The following CEACAM3 variants were observed in gnomAD, a reference collection of about 807,000 sequenced individuals.
The protein encoded by CEACAM3 is cell adhesion molecule CEACAM3.
Under a neutral mutation model 30.1 loss-of-function variants are expected in CEACAM3, and 32 were observed. The observed-to-expected ratio is 1.06, with a 90% CI of 0.80 to 1.43. CEACAM3 has a LOEUF of 1.43. Among genes scored for constraint, CEACAM3 ranks in the 40% most tolerant of loss-of-function variants. CEACAM3 has a pLI of 0.00. For missense variants in CEACAM3, 290 were observed against 316.3 expected (o/e 0.92, Z 0.63); for synonymous variants, 134 against 127.2 (o/e 1.05, Z -0.36).
Position 41,797,384 on chromosome 19 carries a change from C to G in CEACAM3, c.65-205C>G, listed in dbSNP as rs145881379. 1,300 of 633,674 alleles carry G rather than the reference C, an allele frequency of 2.1e-3. 22 individuals are homozygous for G. In the East Asian group the frequency reaches 0.031, roughly 15 times the overall value. The allele number at this position is 633,674 out of a possible 1,614,324, so 39.3% of individuals were successfully genotyped here. On this transcript the variant is annotated intron_variant, in intron 1 of 6. Coordinates refer to ENST00000357396, the MANE Select transcript of CEACAM3 (RefSeq NM_001815.5). ...GGCAGTGGGGAGGGAGCCATGCAGA[C>G]CCCTGGGGAAGGGGATTCCACACAG... is the stretch of plus-strand genomic sequence containing the variant.
In CEACAM3 at chr19:41,799,416, G is replaced by A. The variant is rs559036226; in HGVS notation, c.424+1468G>A. 9.9e-5 allele frequency among the ~76,000 whole-genome samples: 15 copies of A among 152,254 alleles called. No individual in the cohort carries two copies. The South Asian group carries it at 1.9e-3, about 19-fold the overall frequency. Reference sequence around the variant, plus strand: ...AGCTTGCTGGGTCTCACCAGAAGCCGAGCAGACGCTGGTGCCATGCCTGTA... The same window carrying A: ...AGCTTGCTGGGTCTCACCAGAAGCCAAGCAGACGCTGGTGCCATGCCTGTA... On this transcript the variant is annotated intron_variant, in intron 2 of 6. Transcript: ENST00000357396.
chr19:41,811,326 G>C lies in CEACAM3; in HGVS notation c.*89G>C. 1 of 1,136,646 alleles carries C rather than the reference G, an allele frequency of 8.8e-7. No homozygotes were observed. The highest frequency in any genetic ancestry group is 1.3e-6 in the Non-Finnish European group (1 of 755,008). 70.4% of individuals were successfully genotyped at this position (1,136,646 alleles called of 1,614,324 possible). A position where few individuals can be genotyped will look rare whatever the true frequency, so the allele number is the denominator to read the frequency against. ...GGGGAAGGACATGAAGCCTGAGCCA[G>C]AGAACCAGCTATAAGTCCTGAGAAG... is the stretch of plus-strand genomic sequence containing the variant. On this transcript the variant is annotated 3_prime_UTR_variant, in exon 7 of 7. Coordinates refer to ENST00000357396, the MANE Select transcript of CEACAM3 (RefSeq NM_001815.5).
intron 2 of CEACAM3, among the ~76,000 whole-genome samples, chr19:41,798,262 C>G (rs1203743198): frequency 1.3e-5 from 2 of 152,168 alleles, no homozygotes; most frequent in African/African-American, 4.8e-5. Flanking sequence ...CCCTGGAGAA[C>G]TGGATCAGGG....
In CEACAM3 at chr19:41,810,122, G is replaced by T. The variant is rs1044343838; in HGVS notation, c.595+105G>T. 5 of 1,339,580 alleles carry T rather than the reference G, an allele frequency of 3.7e-6. No individual in the cohort carries two copies. In the East Asian group the frequency reaches 1.2e-4, roughly 31 times the overall value. The allele number at this position is 1,339,580 out of a possible 1,614,324, so 83.0% of individuals were successfully genotyped here. A position where few individuals can be genotyped will look rare whatever the true frequency, so the allele number is the denominator to read the frequency against. ...GGCAGACTCTGATCCTTTCCCGGGG[G>T]CTGCAAGGAGGATCTCATAAAACAT... On this transcript the variant is annotated intron_variant, in intron 4 of 6. Transcript: ENST00000357396.
intron 2 of CEACAM3, 96 bp from the exon 3 acceptor site, chr19:41,808,717 C>T (rs2073223392): frequency 1.0e-6 from 1 of 953,990 alleles, no homozygotes; most frequent in Non-Finnish European, 1.6e-6. Context: ...ATGGCATCTC[C>T]TTCTTCCCTG....
In CEACAM3 at chr19:41,811,371, G is replaced by T; in HGVS notation, c.*134G>T. On this transcript the variant is annotated 3_prime_UTR_variant, in exon 7 of 7. Transcript: ENST00000357396. ...GAGAAGACACTGGTGTCTGGGGGCA[G>T]GGAGGGATGGGGGTCCCTGATGAAT... The T allele has an allele frequency of 1.4e-6, 1 of 718,518 alleles. No homozygotes were observed. The highest frequency in any genetic ancestry group is 1.6e-5 in the South Asian group (1 of 63,350). The allele number at this position is 718,518 out of a possible 1,614,324, so 44.5% of individuals were successfully genotyped here. A position where few individuals can be genotyped will look rare whatever the true frequency, so the allele number is the denominator to read the frequency against.
intron 1 of CEACAM3, chr19:41,797,290 C>T (rs1213849589): frequency 2.6e-6 from 1 of 386,988 alleles, no homozygotes; most frequent in Non-Finnish European, 4.7e-6. Flanking sequence ...AAGGGAAGAC[C>T]CAGGGTCTCT....
chr19:41,801,948 T>C (rs923345652), intron 2 of CEACAM3, among the ~76,000 whole-genome samples: 2 of 152,052 alleles, frequency 1.3e-5, no homozygotes, highest in East Asian at 3.9e-4. Flanking sequence ...AGGAAGTTAG[T>C]TTTAGGGAGG....
chr19:41,802,460 C>CAG (rs1427133807), intron 2 of CEACAM3, among the ~76,000 whole-genome samples: 1 of 152,212 alleles, frequency 6.6e-6, no homozygotes, highest in Non-Finnish European at 1.5e-5. Context: ...CTCACCTGGG[C>CAG]AGAAGCCCAG....
intron 2 of CEACAM3, chr19:41,807,755 CTT>C (rs1161714626): frequency 1.7e-6 from 1 of 573,856 alleles, no homozygotes; most frequent in African/African-American, 2.0e-5. Context: ...TCATCTATGA[CTT>C]TATTCTCGCT....
At chr19:41,805,402 C>A (rs536296907) in intron 2 of CEACAM3, among the ~76,000 whole-genome samples, 1 of 151,608 alleles carries the variant, frequency 6.6e-6, no homozygotes, top group East Asian at 1.9e-4. Context: ...AGCAATTCTC[C>A]CTAGCCTTCT....
intron 2 of CEACAM3, among the ~76,000 whole-genome samples, chr19:41,798,513 C>T (rs2073122024): frequency 1.3e-5 from 2 of 152,198 alleles, no homozygotes; most frequent in African/African-American, 4.8e-5. Flanking sequence ...GCCCCAAGAA[C>T]CTCTCCTGGG....
chr19:41,800,029 A>T (rs1555825810), intron 2 of CEACAM3, among the ~76,000 whole-genome samples: 1 of 152,222 alleles, frequency 6.6e-6, no homozygotes, highest in African/African-American at 2.4e-5. Flanking sequence ...GAGACCAAGG[A>T]CACGAGCTGT....
Position 41,810,272 on chromosome 19 carries a change from G to A in CEACAM3, c.596-51G>A, listed in dbSNP as rs781862763. 29 of 1,583,456 alleles carry A rather than the reference G, an allele frequency of 1.8e-5. No individual in the cohort carries two copies. In the South Asian group the frequency reaches 2.7e-4, roughly 15 times the overall value. On this transcript the variant is annotated intron_variant, in intron 4 of 6. Coordinates refer to ENST00000357396, the MANE Select transcript of CEACAM3 (RefSeq NM_001815.5). ...GGACCCCCTACGCCTTCCTGGAGAG[G>A]GGATAAGGCTCTCCTCCCACCCTGC...
intron 1 of CEACAM3, among the ~76,000 whole-genome samples, chr19:41,796,969 C>A (rs537636801): frequency 6.6e-6 from 1 of 152,278 alleles, no homozygotes; most frequent in Non-Finnish European, 1.5e-5. Context: ...TCATTACTGG[C>A]CACTACAATT....
chr19:41,809,906 A>C, intron 3 of CEACAM3, 59 bp from the exon 4 acceptor site: 1 of 1,568,256 alleles, frequency 6.4e-7, no homozygotes, highest in Non-Finnish European at 8.8e-7. Flanking sequence ...CCCCTGTTCG[A>C]ACTCCAAAGT....
intron 2 of CEACAM3, among the ~76,000 whole-genome samples, chr19:41,800,070 G>T (rs1275577982): frequency 6.6e-6 from 1 of 152,116 alleles, no homozygotes; most frequent in African/African-American, 2.4e-5. Context: ...AACAAGAAAA[G>T]TTATACCAGA....
chr19:41,798,069 A>G, intron 2 of CEACAM3, 121 bp downstream of exon 2: 2 of 1,483,878 alleles, frequency 1.3e-6, no homozygotes, highest in Non-Finnish European at 1.8e-6. Flanking sequence ...CAGGGTTTGG[A>G]CATTTAGTGC....
Position 41,811,283 on chromosome 19 carries a change from G to A in CEACAM3, c.*46G>A. 6.5e-7 allele frequency: 1 copy of A among 1,534,920 alleles called. No individual in the cohort carries two copies. Among genetic ancestry groups the A allele is most frequent in the Non-Finnish European group, 9.0e-7 (1 of 1,110,186 alleles). ...TGTGTGTTGATGGAGAGTCCCCAAG[G>A]CCCCCAGCCCTGGGGATGGGGAAGG... On this transcript the variant is annotated 3_prime_UTR_variant, in exon 7 of 7. Transcript: ENST00000357396.
Sources: gnomAD v4.1 joint callset for allele counts (sites outside exome capture counted in the v4.1 genomes callset) on GRCh38, gnomAD v4.1.1 for gene constraint, MANE v1.5 for transcripts, NCBI Gene and HGNC (gene_info 2026-07-23, HGNC 2026-07-21) for gene names.